Variants in LRPPRC observed in about 807,000 individuals in gnomAD.
The protein encoded by LRPPRC is leucine-rich PPR motif-containing protein, mitochondrial.
In LRPPRC, 120 loss-of-function variants were observed where a neutral mutation model predicts 180.3. That is an observed-to-expected ratio of 0.67 (90% confidence interval 0.57 to 0.77). LRPPRC has a LOEUF of 0.77. Among genes scored for constraint, LRPPRC ranks in the 30% least tolerant of loss-of-function variants. The pLI, the probability that LRPPRC is intolerant of heterozygous loss-of-function variation, is 0.00. For synonymous variants in LRPPRC, 723 were observed against 600.0 expected (o/e 1.21, Z -3.00); for missense variants, 2,012 against 1,657.2 (o/e 1.21, Z -3.72).
intron 1 of LRPPRC, among the ~76,000 whole-genome samples, chr2:43,985,266 C>T (rs1283086165): frequency 6.6e-6 from 1 of 152,088 alleles, no homozygotes; most frequent in Non-Finnish European, 1.5e-5. Flanking sequence ...CCACTTTCTT[C>T]TCCCTCCCAT....
intron 1 of LRPPRC, among the ~76,000 whole-genome samples, chr2:43,989,672 T>A (rs993305295): frequency 6.6e-6 from 1 of 152,232 alleles, no homozygotes; most frequent in Non-Finnish European, 1.5e-5. Context: ...CACCCAATGA[T>A]AACTACCATG....
intron 11 of LRPPRC, among the ~76,000 whole-genome samples, chr2:43,967,565 G>A (rs1026660067): frequency 6.6e-6 from 1 of 152,028 alleles, no homozygotes; most frequent in African/African-American, 2.4e-5. Context: ...ATGGTGGCAG[G>A]CGCCTATAAT....
chr2:43,974,417 A>G, intron 8 of LRPPRC, 122 bp from the exon 9 acceptor site: 1 of 850,020 alleles, frequency 1.2e-6, no homozygotes. Context: ...TAACTGCCTA[A>G]ATAACAATAA....
At chr2:43,951,535 A>G (rs1157884334) in intron 14 of LRPPRC, among the ~76,000 whole-genome samples, 1 of 152,194 alleles carries the variant, frequency 6.6e-6, no homozygotes, top group Non-Finnish European at 1.5e-5. Context: ...GTCAGGTATG[A>G]TATTACGGTG....
chr2:43,980,856 T>C (rs1316771847), intron 2 of LRPPRC, among the ~76,000 whole-genome samples: 3 of 152,162 alleles, frequency 2.0e-5, no homozygotes, highest in Non-Finnish European at 4.4e-5. Flanking sequence ...GATGAGGAGT[T>C]GGGTAATTTC....
intron 1 of LRPPRC, among the ~76,000 whole-genome samples, chr2:43,995,078 T>A (rs1042404546): frequency 2.6e-5 from 4 of 152,028 alleles, no homozygotes; most frequent in African/African-American, 4.8e-5. Context: ...CAGTCTCTAC[T>A]AAAAGTACAA....
At chr2:43,926,804 T>A (rs1475520112) in intron 25 of LRPPRC, among the ~76,000 whole-genome samples, 1 of 152,214 alleles carries the variant, frequency 6.6e-6, no homozygotes, top group Non-Finnish European at 1.5e-5. Flanking sequence ...GGCTTTCGTT[T>A]TTAAAAGAAA....
At chr2:43,986,854 T>C (rs376904730) in intron 1 of LRPPRC, among the ~76,000 whole-genome samples, 2 of 152,218 alleles carry the variant, frequency 1.3e-5, no homozygotes, top group East Asian at 1.9e-4. Context: ...AAGTCTCTAA[T>C]GGCAGATAAA....
At chr2:43,975,706 C>T (rs935598972) in intron 6 of LRPPRC, among the ~76,000 whole-genome samples, 1 of 151,914 alleles carries the variant, frequency 6.6e-6, no homozygotes, top group African/African-American at 2.4e-5. Flanking sequence ...CCTCAGACTC[C>T]CAAGTAGCTG....
At position 43,979,953 on chromosome 2, in the gene LRPPRC, G is replaced by A. The variant is rs1421176936; in HGVS notation, c.347-5C>T. 1 of 1,613,178 alleles carries A rather than the reference G, an allele frequency of 6.2e-7. No individual in the cohort carries two copies. The highest frequency in any genetic ancestry group is 8.5e-7 in the Non-Finnish European group (1 of 1,179,468). On this transcript the variant is annotated splice_polypyrimidine_tract_variant and splice_region_variant and intron_variant, in intron 2 of 37. Transcript: ENST00000260665. ...CATGACTACCACCTAGGCCACCTGTGGAAAAAAGGTTAATGGATAACATTT... is the reference window on the plus strand; with the variant it reads ...CATGACTACCACCTAGGCCACCTGTAGAAAAAAGGTTAATGGATAACATTT...
chr2:43,957,439 G>C lies in LRPPRC; in HGVS notation c.1595C>G (p.Thr532Arg). ...DFVLSFLKSN[T>R]LPISLQSIRS... ...TATAGACTGCAGCGAGATGGGCAAT[G>C]TATTTGATTTCACTGCAAAAGAAAA... Residue 532 changes from threonine to arginine, a missense_variant, in exon 14 of 38, where the codon ACA becomes AGA. Physicochemically the swap from Thr to Arg is moderately conservative, Grantham distance 71 (BLOSUM62 -1). Coordinates refer to ENST00000260665, the MANE Select transcript of LRPPRC (RefSeq NM_133259.4). 1 of 1,612,498 alleles carries C rather than the reference G, an allele frequency of 6.2e-7. No homozygotes were observed. Among genetic ancestry groups the C allele is most frequent in the Middle Eastern group, 1.7e-4 (1 of 6,052 alleles).
chr2:43,897,652 ACT>A (rs1428332628), intron 34 of LRPPRC, among the ~76,000 whole-genome samples: 6 of 152,006 alleles, frequency 3.9e-5, no homozygotes, highest in African/African-American at 1.5e-4. Flanking sequence ...AAATGAAAAG[ACT>A]CTGCTGTTGC....
At chr2:43,896,355 G>A (rs1298547497) in intron 35 of LRPPRC, 3 of 321,446 alleles carry the variant, frequency 9.3e-6, no homozygotes, top group East Asian at 7.8e-5. Flanking sequence ...ACAGGTGTGA[G>A]CCACCATGCC....
chr2:43,916,546 C>T (rs1314781198), intron 29 of LRPPRC, among the ~76,000 whole-genome samples: 1 of 151,942 alleles, frequency 6.6e-6, no homozygotes, highest in African/African-American at 2.4e-5. Context: ...TTTTTGCTTT[C>T]AAGTAAGTTA....
At chr2:43,994,114 TGAG>T (rs2103789165) in intron 1 of LRPPRC, among the ~76,000 whole-genome samples, 1 of 152,030 alleles carries the variant, frequency 6.6e-6, no homozygotes, top group East Asian at 1.9e-4. Flanking sequence ...ACAGAAATGC[TGAG>T]GATTAGAAAA....
chr2:43,940,544 G>A lies in LRPPRC; in HGVS notation c.2504+3143C>T, dbSNP rs940185206. On this transcript the variant is annotated intron_variant, in intron 23 of 37. Transcript: ENST00000260665. ...AATGAAATGCATATGTACATATACA[G>A]ATTATAACACAAACCAGCACAAAAA... 2.0e-5 allele frequency among the ~76,000 whole-genome samples: 3 copies of A among 152,054 alleles called. No homozygotes were observed. The East Asian group carries it at 5.8e-4, about 29-fold the overall frequency.
chr2:43,992,324 A>C lies in LRPPRC; in HGVS notation c.149+3475T>G, dbSNP rs953780246. Among the ~76,000 whole-genome samples the C allele has an allele frequency of 2.0e-4, 31 of 152,218 alleles. 1 individual carries two copies. The highest frequency in any genetic ancestry group is 6.8e-4 in the African/African-American group (28 of 41,464). On this transcript the variant is annotated intron_variant, in intron 1 of 37. Coordinates refer to ENST00000260665, the MANE Select transcript of LRPPRC (RefSeq NM_133259.4). ...CAAGCACTAGACCTACAAAATCAGA[A>C]TCTGCAGTTTAACGAGAGCCCCAGG...
intron 12 of LRPPRC, among the ~76,000 whole-genome samples, chr2:43,961,374 T>A (rs1427556855): frequency 6.6e-6 from 1 of 152,166 alleles, no homozygotes; most frequent in Admixed American, 6.5e-5. Flanking sequence ...AATAAGAATG[T>A]TCTTTCTTTT....
At chr2:43,945,470 A>C in intron 21 of LRPPRC, 53 bp from the exon 22 acceptor site, 1 of 998,276 alleles carries the variant, frequency 1.0e-6, no homozygotes, top group South Asian at 1.3e-5. Context: ...AACTGCTAAA[A>C]GAACAGCAAC....
Sources: allele counts gnomAD v4.1 joint callset (sites outside exome capture counted in the v4.1 genomes callset), GRCh38; gene constraint gnomAD v4.1.1; transcripts MANE v1.5; gene names NCBI Gene and HGNC (gene_info 2026-07-23, HGNC 2026-07-21).